The following NUBPL variants were observed in gnomAD, a reference collection of about 807,000 sequenced individuals.
NUBPL encodes the protein NUBP iron-sulfur cluster assembly factor, mitochondrial.
NUBPL carries 31 observed loss-of-function variants against 45.7 expected under a neutral mutation model. That is an observed-to-expected ratio of 0.68 (90% confidence interval 0.51 to 0.92). NUBPL has a LOEUF of 0.92. Among genes scored for constraint, NUBPL ranks in the 40% least tolerant of loss-of-function variants. The pLI is 0.00. For synonymous variants in NUBPL, 144 were observed against 140.9 expected (o/e 1.02, Z -0.15); for missense variants, 401 against 398.7 (o/e 1.01, Z -0.05).
chr14:31,684,287 G>C (rs75652963), intron 6 of NUBPL, among the ~76,000 whole-genome samples: 1 of 152,088 alleles, frequency 6.6e-6, no homozygotes, highest in African/African-American at 2.4e-5. Flanking sequence ...CATGGGTTTT[G>C]TAATTATTTT....
intron 8 of NUBPL, among the ~76,000 whole-genome samples, chr14:31,837,690 C>T (rs578050948): frequency 6.6e-6 from 1 of 152,058 alleles, no homozygotes; most frequent in East Asian, 1.9e-4. Context: ...TCTTACAATT[C>T]AGTAAGGGGA....
intron 4 of NUBPL, among the ~76,000 whole-genome samples, chr14:31,638,270 T>G (rs1462525096): frequency 6.6e-5 from 10 of 152,076 alleles, no homozygotes; most frequent in African/African-American, 1.7e-4. Flanking sequence ...AGGAGCTCTT[T>G]TAGGGCAGGC....
At chr14:31,834,385 T>C (rs1215090208) in intron 8 of NUBPL, among the ~76,000 whole-genome samples, 1 of 152,084 alleles carries the variant, frequency 6.6e-6, no homozygotes, top group Non-Finnish European at 1.5e-5. Context: ...TTCACCGTGT[T>C]AGCCAGGATG....
chr14:31,647,024 T>A (rs1678437653), intron 4 of NUBPL, among the ~76,000 whole-genome samples: 1 of 152,144 alleles, frequency 6.6e-6, no homozygotes, highest in African/African-American at 2.4e-5. Context: ...AGCAAACATA[T>A]TTCTCAGTTT....
At chr14:31,804,147 C>A (rs989678199) in intron 7 of NUBPL, among the ~76,000 whole-genome samples, 4 of 152,138 alleles carry the variant, frequency 2.6e-5, no homozygotes, top group Admixed American at 2.6e-4. Context: ...GACATAATTT[C>A]TGCCCTCTAT....
chr14:31,819,444 T>C (rs1233456557), intron 7 of NUBPL, among the ~76,000 whole-genome samples: 1 of 152,192 alleles, frequency 6.6e-6, no homozygotes, highest in Non-Finnish European at 1.5e-5. Context: ...TGCACATGTC[T>C]AGTAGGCTCC....
intron 10 of NUBPL, among the ~76,000 whole-genome samples, chr14:31,851,434 T>G (rs1046893404): frequency 6.6e-6 from 1 of 152,158 alleles, no homozygotes; most frequent in African/African-American, 2.4e-5. Context: ...TAAAGTATAT[T>G]CATTTTGAGT....
At chr14:31,630,458 A>C (rs1039934226) in intron 4 of NUBPL, among the ~76,000 whole-genome samples, 1 of 152,206 alleles carries the variant, frequency 6.6e-6, no homozygotes, top group Non-Finnish European at 1.5e-5. Context: ...TTGGTGACCT[A>C]GTCTTTGGTG....
At chr14:31,793,177 TC>T in intron 7 of NUBPL, among the ~76,000 whole-genome samples, 1 of 152,198 alleles carries the variant, frequency 6.6e-6, no homozygotes, top group South Asian at 2.1e-4. Flanking sequence ...TCTCTCTCCT[TC>T]CCAGTAAACA....
At chr14:31,573,074 A>G (rs567733090) in intron 3 of NUBPL, among the ~76,000 whole-genome samples, 11 of 152,358 alleles carry the variant, frequency 7.2e-5, no homozygotes, top group African/African-American at 2.6e-4. Context: ...GGCCTAGGGC[A>G]TTAATGTACA....
At chr14:31,824,152 T>C (rs2040061609) in intron 7 of NUBPL, among the ~76,000 whole-genome samples, 1 of 152,132 alleles carries the variant, frequency 6.6e-6, no homozygotes, top group African/African-American at 2.4e-5. Flanking sequence ...GTCAAGTGTC[T>C]GTGTGTAGTA....
chr14:31,775,367 G>A (rs537095816), intron 6 of NUBPL, among the ~76,000 whole-genome samples: 6 of 152,266 alleles, frequency 3.9e-5, no homozygotes, highest in South Asian at 2.1e-4. Flanking sequence ...GCAGTGAGCC[G>A]AGATCATGCC....
chr14:31,645,722 CAAAG>C (rs2035829315), intron 4 of NUBPL, among the ~76,000 whole-genome samples: 1 of 145,504 alleles, frequency 6.9e-6, no homozygotes, highest in African/African-American at 2.5e-5. Context: ...GGTCAGATCA[CAAAG>C]AAATAATAGA....
chr14:31,741,793 C>T (rs747597047), intron 6 of NUBPL, among the ~76,000 whole-genome samples: 21 of 150,132 alleles, frequency 1.4e-4, no homozygotes, highest in Admixed American at 1.2e-3. Context: ...TCATATCTGC[C>T]TGTCTACCTG....
intron 3 of NUBPL, among the ~76,000 whole-genome samples, chr14:31,579,687 G>A (rs1028151809): frequency 6.6e-6 from 1 of 152,186 alleles, no homozygotes; most frequent in Admixed American, 6.5e-5. Context: ...ACATCTCATA[G>A]CACATTTTCC....
chr14:31,766,587 T>C (rs2038916721), intron 6 of NUBPL, among the ~76,000 whole-genome samples: 1 of 152,172 alleles, frequency 6.6e-6, no homozygotes, highest in South Asian at 2.1e-4. Context: ...CCATTTACTA[T>C]AAACAACTGC....
At chr14:31,602,880 A>G (rs1040620001) in intron 4 of NUBPL, among the ~76,000 whole-genome samples, 3 of 152,198 alleles carry the variant, frequency 2.0e-5, no homozygotes, top group African/African-American at 7.2e-5. Context: ...AAACTCCCAA[A>G]ACATTATTTT....
chr14:31,743,370 G>GT (rs1408462449), intron 6 of NUBPL, among the ~76,000 whole-genome samples: 2 of 151,888 alleles, frequency 1.3e-5, no homozygotes, highest in South Asian at 4.2e-4. Context: ...CTGGGCTCTT[G>GT]TTTTTTTGTT....
chr14:31,785,964 G>A lies in NUBPL; in HGVS notation c.514-1816G>A, dbSNP rs189318631. On this transcript the variant is annotated intron_variant, in intron 6 of 10. Coordinates refer to ENST00000281081, the MANE Select transcript of NUBPL (RefSeq NM_025152.3). ...ACTTGAGCCTAGGAGTTTAAGACCAGCTTGGCAACATGGCGAAACCCTGTC... is the reference window on the plus strand; with the variant it reads ...ACTTGAGCCTAGGAGTTTAAGACCAACTTGGCAACATGGCGAAACCCTGTC... Among the ~76,000 whole-genome samples, 18 of 152,130 alleles carry A rather than the reference G, an allele frequency of 1.2e-4. No individual in the cohort carries two copies. In the East Asian group the frequency reaches 2.1e-3, roughly 18 times the overall value.
Sources: allele counts gnomAD v4.1 joint callset (sites outside exome capture counted in the v4.1 genomes callset), GRCh38; gene constraint gnomAD v4.1.1; transcripts MANE v1.5; gene names NCBI Gene and HGNC (gene_info 2026-07-23, HGNC 2026-07-21).